Variants in LAMA2 observed in about 807,000 individuals in gnomAD.
LAMA2 encodes the protein laminin subunit alpha 2, also known as laminin subunit alpha-2.
A neutral mutation model predicts 364.8 loss-of-function variants in LAMA2; 269 were observed. That is an observed-to-expected ratio of 0.74 (90% CI 0.67 to 0.82). The LOEUF (loss-of-function observed/expected upper bound fraction) is 0.82, where lower values mean the gene tolerates loss of function less well. Ranked by LOEUF, LAMA2 falls within the 40% of genes least tolerant of loss-of-function variation. The probability of loss-of-function intolerance (pLI) is 0.00; values close to 1 mark genes in which losing one functional copy is unlikely to be tolerated. For synonymous variants in LAMA2, 1,379 were observed against 1,370.6 expected, an observed-to-expected ratio of 1.01 and a Z score of -0.14; for missense variants, 3,807 against 3,873.2, an observed-to-expected ratio of 0.98 and a Z score of 0.45.
chr6:129,324,046 A>G (rs1405402580), intron 28 of LAMA2, among the ~76,000 whole-genome samples: 2 of 152,208 alleles, frequency 1.3e-5, no homozygotes, highest in Non-Finnish European at 2.9e-5. Flanking sequence ...ATATGCACAC[A>G]TCTATCCTTT....
At chr6:129,466,290 CAGAAG>C (rs1783538666) in intron 51 of LAMA2, among the ~76,000 whole-genome samples, 1 of 151,886 alleles carries the variant, frequency 6.6e-6, no homozygotes. Flanking sequence ...CGAGCAATCT[CAGAAG>C]AGAGACACTT....
intron 1 of LAMA2, among the ~76,000 whole-genome samples, chr6:128,960,566 G>T (rs187600035): frequency 6.6e-6 from 1 of 152,076 alleles, no homozygotes; most frequent in Non-Finnish European, 1.5e-5. Context: ...CACCATGTGG[G>T]CCAGGCTGGT....
chr6:128,948,599 T>C (rs1780623468), intron 1 of LAMA2, among the ~76,000 whole-genome samples: 1 of 152,136 alleles, frequency 6.6e-6, no homozygotes, highest in South Asian at 2.1e-4. Context: ...TTTGCCCCCT[T>C]CAAATCGCAT....
chr6:129,223,960 A>T (rs921784468), intron 12 of LAMA2, among the ~76,000 whole-genome samples: 1 of 152,162 alleles, frequency 6.6e-6, no homozygotes, highest in Non-Finnish European at 1.5e-5. Flanking sequence ...CACGATATTG[A>T]TTCTTCCTAT....
intron 6 of LAMA2, 83 bp downstream of exon 6, chr6:129,147,131 G>T: frequency 1.1e-6 from 1 of 891,144 alleles, no homozygotes; most frequent in Non-Finnish European, 1.9e-6. Context: ...GACAGAGAAC[G>T]CTGTAAATGG....
intron 10 of LAMA2, among the ~76,000 whole-genome samples, chr6:129,189,019 TTAA>T (rs1253872296): frequency 6.6e-6 from 1 of 152,074 alleles, no homozygotes; most frequent in Non-Finnish European, 1.5e-5. Context: ...TTATTTGAAC[TTAA>T]TAAATTTTAT....
intron 2 of LAMA2, 71 bp downstream of exon 2, chr6:129,050,159 G>A: frequency 4.1e-6 from 6 of 1,472,644 alleles, no homozygotes; most frequent in Non-Finnish European, 5.7e-6. Flanking sequence ...AGGCCAAGTT[G>A]CATTAAATTC....
At chr6:129,164,363 T>C (rs1270208712) in intron 8 of LAMA2, among the ~76,000 whole-genome samples, 1 of 152,198 alleles carries the variant, frequency 6.6e-6, no homozygotes, top group African/African-American at 2.4e-5. Flanking sequence ...GAGTTTTCCA[T>C]TTAATATTTT....
chr6:129,218,806 T>C (rs575642492), intron 12 of LAMA2, among the ~76,000 whole-genome samples: 4 of 152,318 alleles, frequency 2.6e-5, no homozygotes, highest in Non-Finnish European at 5.9e-5. Context: ...GGAAATGTAA[T>C]GTTTTCATTT....
intron 1 of LAMA2, among the ~76,000 whole-genome samples, chr6:128,941,517 A>G (rs1042382908): frequency 6.6e-6 from 1 of 152,184 alleles, no homozygotes; most frequent in African/African-American, 2.4e-5. Context: ...ACCCTCACTT[A>G]GTTTGATTAC....
chr6:128,956,578 ATAAACT>A (rs1173146421), intron 1 of LAMA2, among the ~76,000 whole-genome samples: 3 of 152,056 alleles, frequency 2.0e-5, no homozygotes, highest in Admixed American at 6.6e-5. Flanking sequence ...TTAATGTATA[ATAAACT>A]TAAAGTTACA....
intron 5 of LAMA2, among the ~76,000 whole-genome samples, chr6:129,145,435 T>C (rs1486022190): frequency 6.6e-6 from 1 of 152,054 alleles, no homozygotes; most frequent in Non-Finnish European, 1.5e-5. Flanking sequence ...CATTATTTTA[T>C]AGCAATGTTT....
intron 28 of LAMA2, among the ~76,000 whole-genome samples, chr6:129,326,582 C>G (rs968384792): frequency 4.6e-5 from 7 of 151,314 alleles, no homozygotes; most frequent in African/African-American, 1.7e-4. Context: ...TTTTTACAGA[C>G]AGTAATTACA....
At chr6:129,379,739 A>G (rs765308404) in intron 34 of LAMA2, among the ~76,000 whole-genome samples, 6 of 152,192 alleles carry the variant, frequency 3.9e-5, no homozygotes, top group Non-Finnish European at 8.8e-5. Flanking sequence ...GGAGATTCAC[A>G]TGCCTGGCTC....
At chr6:129,415,463 A>C (rs567120214) in intron 40 of LAMA2, among the ~76,000 whole-genome samples, 1 of 152,088 alleles carries the variant, frequency 6.6e-6, no homozygotes, top group South Asian at 2.1e-4. Flanking sequence ...GCCTTCTCCA[A>C]ATTTTTTCTA....
At chr6:129,323,637 G>A (rs1383853884) in intron 28 of LAMA2, among the ~76,000 whole-genome samples, 1 of 152,090 alleles carries the variant, frequency 6.6e-6, no homozygotes, top group Admixed American at 6.6e-5. Flanking sequence ...ACCTGTCTTT[G>A]AGTGACATTA....
At chr6:129,515,506 C>G (rs557836525) in intron 64 of LAMA2, among the ~76,000 whole-genome samples, 30 of 152,190 alleles carry the variant, frequency 2.0e-4, no homozygotes, top group Non-Finnish European at 3.8e-4. Context: ...ACCTAGTAGG[C>G]CTACTGAAAC....
chr6:129,034,612 C>T (rs1786485205), intron 1 of LAMA2, among the ~76,000 whole-genome samples: 1 of 152,006 alleles, frequency 6.6e-6, no homozygotes, highest in Non-Finnish European at 1.5e-5. Flanking sequence ...ATTTTTCAGT[C>T]CTCATTCCTC....
intron 1 of LAMA2, among the ~76,000 whole-genome samples, chr6:129,030,058 T>C (rs1443655766): frequency 6.6e-6 from 1 of 151,986 alleles, no homozygotes; most frequent in Non-Finnish European, 1.5e-5. Flanking sequence ...TAACCTGGGG[T>C]CCTAATCTTT....
Sources: allele counts gnomAD v4.1 joint callset (sites outside exome capture counted in the v4.1 genomes callset), GRCh38; gene constraint gnomAD v4.1.1; transcripts MANE v1.5; gene names NCBI Gene and HGNC (gene_info 2026-07-23, HGNC 2026-07-21).